Variants in SEMA3A observed in about 807,000 individuals in gnomAD.
SEMA3A encodes the protein semaphorin 3A, also known as semaphorin-3A.
In SEMA3A, 29 loss-of-function variants were observed where a neutral mutation model predicts 97.9. The observed-to-expected ratio is 0.30, with a 90% CI of 0.22 to 0.40. The LOEUF is 0.40. Ranked by LOEUF, SEMA3A falls within the 10% of genes least tolerant of loss-of-function variation. The probability of loss-of-function intolerance (pLI) is 1.00; values close to 1 mark genes in which losing one functional copy is unlikely to be tolerated. For missense variants in SEMA3A, 763 were observed against 951.3 expected (o/e 0.80, Z 2.60); for synonymous variants, 321 against 323.7 (o/e 0.99, Z 0.09).
chr7:84,153,147 C>T (rs923344514), intron 1 of SEMA3A, among the ~76,000 whole-genome samples: 1 of 152,114 alleles, frequency 6.6e-6, no homozygotes, highest in Admixed American at 6.5e-5. Flanking sequence ...TGGAGTTTAT[C>T]AGCCCTGCTT....
chr7:83,988,230 G>GTTT (rs1328440600), intron 12 of SEMA3A, among the ~76,000 whole-genome samples: 3 of 151,590 alleles, frequency 2.0e-5, no homozygotes, highest in Non-Finnish European at 4.4e-5. Context: ...TGTTGTTGTT[G>GTTT]TTTGTTTGTT....
intron 2 of SEMA3A, among the ~76,000 whole-genome samples, chr7:84,327,048 A>G (rs1228083591): frequency 1.3e-5 from 2 of 152,058 alleles, no homozygotes; most frequent in Non-Finnish European, 2.9e-5. Context: ...AAATACTTGC[A>G]AACTAGGCAC....
At chr7:84,409,660 G>A (rs952137076) in intron 1 of SEMA3A, among the ~76,000 whole-genome samples, 3 of 151,588 alleles carry the variant, frequency 2.0e-5, no homozygotes, top group Admixed American at 2.0e-4. Context: ...TGTATTAAAA[G>A]AAAAAAAACT....
intron 3 of SEMA3A, among the ~76,000 whole-genome samples, chr7:84,284,686 T>C (rs1425278132): frequency 2.0e-5 from 3 of 152,172 alleles, no homozygotes; most frequent in African/African-American, 7.2e-5. Context: ...ATGAACTGAA[T>C]GATTTTTCTT....
chr7:84,044,142 G>A (rs1461531146), intron 6 of SEMA3A, among the ~76,000 whole-genome samples: 2 of 151,052 alleles, frequency 1.3e-5, no homozygotes, highest in African/African-American at 4.8e-5. Context: ...AAATATTTCA[G>A]TTTGAGAACA....
upstream of SEMA3A, among the ~76,000 whole-genome samples, chr7:84,199,924 C>CT (rs1321296823): frequency 6.6e-6 from 1 of 152,036 alleles, no homozygotes; most frequent in Non-Finnish European, 1.5e-5. Flanking sequence ...TTAAGTTAAA[C>CT]TTTTTAGAAT....
chr7:84,001,094 A>G (rs10246044), intron 12 of SEMA3A, among the ~76,000 whole-genome samples: 31,436 of 150,564 alleles, frequency 0.21, 3,474 homozygotes, highest in Middle Eastern at 0.26. Flanking sequence ...AGTTATAAAT[A>G]TCTCAATAGA....
chr7:84,216,224 AG>A (rs1415097000), intron 3 of SEMA3A, among the ~76,000 whole-genome samples: 2 of 152,118 alleles, frequency 1.3e-5, no homozygotes, highest in Non-Finnish European at 2.9e-5. Context: ...CTCCTGCCTC[AG>A]CCTCCCAAGT....
At chr7:84,299,965 G>A (rs1291023236) in intron 3 of SEMA3A, among the ~76,000 whole-genome samples, 3 of 147,724 alleles carry the variant, frequency 2.0e-5, no homozygotes, top group Admixed American at 6.8e-5. Context: ...CAGGGAGGCG[G>A]AGGTTGTGGT....
chr7:84,228,135 A>C (rs1799032995), intron 3 of SEMA3A, among the ~76,000 whole-genome samples: 1 of 152,026 alleles, frequency 6.6e-6, no homozygotes. Flanking sequence ...ATGGGTGATG[A>C]AGCCAGAGTA....
chr7:84,056,395 A>C (rs1792977768), intron 5 of SEMA3A, among the ~76,000 whole-genome samples: 1 of 152,226 alleles, frequency 6.6e-6, no homozygotes, highest in African/African-American at 2.4e-5. Context: ...GGGTGTGGTG[A>C]GGAGAAACAG....
rs557908627 is a variant in SEMA3A at position 84,462,830 on chromosome 7, G to T, written c.-246+29630C>A. On this transcript the variant is annotated intron_variant, in intron 1 of 3. Coordinates refer to the SEMA3A transcript ENST00000424555. The stretch of plus-strand genomic sequence containing the variant: ...CTATAGATAGATAGACAGACAGATA[G>T]ATAGATAGATAGATAGCAGTTGTTC... 1.5e-4 allele frequency among the ~76,000 whole-genome samples: 23 copies of T among 152,274 alleles called. 1 individual carries two copies. In the East Asian group the frequency reaches 3.7e-3, roughly 24 times the overall value.
chr7:84,322,455 G>T (rs1801671310), intron 2 of SEMA3A, among the ~76,000 whole-genome samples: 1 of 151,984 alleles, frequency 6.6e-6, no homozygotes, highest in Non-Finnish European at 1.5e-5. Flanking sequence ...GTCAAGGGCA[G>T]GGCCAGGTGG....
At chr7:84,263,565 T>G (rs1000337456) in intron 3 of SEMA3A, among the ~76,000 whole-genome samples, 1 of 152,258 alleles carries the variant, frequency 6.6e-6, no homozygotes, top group Non-Finnish European at 1.5e-5. Context: ...TCAGTTTATA[T>G]ACATAAATCA....
Position 84,232,683 on chromosome 7 carries a change from C to T in SEMA3A, c.-82-38015G>A, listed in dbSNP as rs372616534. Among the ~76,000 whole-genome samples the T allele has an allele frequency of 8.6e-5, 13 of 151,952 alleles. 1 individual carries two copies. The highest frequency in any genetic ancestry group is 2.0e-4 in the Admixed American group (3 of 15,220). ...TAACTTGTCTGAGACAAGTTTAAGA[C>T]GTTTTCCTTCTAATTTTCTTACAAA... On this transcript the variant is annotated intron_variant, in intron 3 of 3. Coordinates refer to the SEMA3A transcript ENST00000424555.
At chr7:84,054,269 G>A (rs1792837535) in intron 5 of SEMA3A, among the ~76,000 whole-genome samples, 1 of 152,264 alleles carries the variant, frequency 6.6e-6, no homozygotes, top group Admixed American at 6.5e-5. Flanking sequence ...TGCCTTGCTA[G>A]ATTGGGGAAG....
chr7:84,404,287 G>A (rs142931661), intron 1 of SEMA3A, among the ~76,000 whole-genome samples: 2,366 of 152,148 alleles, frequency 0.016, 66 homozygotes, highest in African/African-American at 0.054. Context: ...TGGAAGAAAG[G>A]GTATCAGCGA....
chr7:84,318,952 A>C (rs1193613801), intron 2 of SEMA3A, among the ~76,000 whole-genome samples: 1 of 152,206 alleles, frequency 6.6e-6, no homozygotes, highest in Non-Finnish European at 1.5e-5. Flanking sequence ...GATGTTGATT[A>C]GTTTAGCAAT....
chr7:84,451,120 A>T (rs1805543217), intron 1 of SEMA3A, among the ~76,000 whole-genome samples: 1 of 152,108 alleles, frequency 6.6e-6, no homozygotes, highest in South Asian at 2.1e-4. Context: ...GTTTTCCTCT[A>T]GGAGTTTTAA....
Sources: allele counts gnomAD v4.1 joint callset (sites outside exome capture counted in the v4.1 genomes callset), GRCh38; gene constraint gnomAD v4.1.1; transcripts MANE v1.5; gene names NCBI Gene and HGNC (gene_info 2026-07-23, HGNC 2026-07-21).